The following NCOA2 variants were observed in gnomAD, a reference collection of about 807,000 sequenced individuals.
NCOA2 encodes class E basic helix-loop-helix protein 75.
A neutral mutation model predicts 145.1 loss-of-function variants in NCOA2; 21 were observed. The ratio of observed to expected loss-of-function variants is 0.14; its 90% CI spans 0.10 to 0.21. NCOA2 has a LOEUF of 0.21. Ranked by LOEUF, NCOA2 falls within the 10% of genes least tolerant of loss-of-function variation. The pLI is 1.00. For synonymous variants in NCOA2, 619 were observed against 637.5 expected (o/e 0.97, Z 0.44); for missense variants, 1,472 against 1,837.6 (o/e 0.80, Z 3.64).
intron 2 of NCOA2, among the ~76,000 whole-genome samples, chr8:70,276,435 G>C (rs955964904): frequency 2.0e-5 from 3 of 152,142 alleles, no homozygotes; most frequent in Non-Finnish European, 4.4e-5. Context: ...CACTGATATA[G>C]TTTGGTTGTG....
chr8:70,134,136 C>T (rs934140936), intron 15 of NCOA2, among the ~76,000 whole-genome samples: 15 of 152,210 alleles, frequency 9.9e-5, no homozygotes, highest in Non-Finnish European at 2.1e-4. Flanking sequence ...TTCTTCTCCA[C>T]AGCCCACACT....
the NCOA2 span, among the ~76,000 whole-genome samples, chr8:70,414,788 T>C: frequency 0.027 from 4,044 of 152,296 alleles, 168 homozygotes; most frequent in African/African-American, 0.092. Context: ...GCTTTCCATC[T>C]AAGACTTCAA....
intron 1 of NCOA2, among the ~76,000 whole-genome samples, chr8:70,343,810 C>CAA (rs756730046): frequency 4.5e-4 from 52 of 115,062 alleles, no homozygotes; most frequent in African/African-American, 1.4e-3. Flanking sequence ...GACCCCATCT[C>CAA]AAAAAAAAAA....
Position 70,144,552 on chromosome 8 carries a change from A to G in NCOA2, c.2812+90T>C. ...TGTTATTTTCTAACATAAAAAGTTC[A>G]CTTGAAAAATTCTACTAGTTTGATG... On this transcript the variant is annotated intron_variant, in intron 13 of 22. Coordinates refer to ENST00000452400, the MANE Select transcript of NCOA2 (RefSeq NM_006540.4). 8.6e-6 allele frequency: 9 copies of G among 1,050,732 alleles called. 1 individual carries two copies. The South Asian group carries it at 8.9e-5, about 10-fold the overall frequency. The allele number at this position is 1,050,732 out of a possible 1,614,324, so 65.1% of individuals were successfully genotyped here. A position where few individuals can be genotyped will look rare whatever the true frequency, so the allele number is the denominator to read the frequency against.
At position 70,340,256 on chromosome 8, in the gene NCOA2, C is replaced by G. The variant is rs879227980; in HGVS notation, c.-76-43456G>C. On this transcript the variant is annotated intron_variant, in intron 1 of 22. Transcript: ENST00000452400. ...AACAAATTTATAAGAAAAAACCAAA[C>G]AACTCCACTAAAAAGTGGACAAAGG... 2.6e-5 allele frequency among the ~76,000 whole-genome samples: 4 copies of G among 152,060 alleles called. No individual in the cohort carries two copies. The East Asian group carries it at 7.7e-4, about 29-fold the overall frequency.
At chr8:70,395,409 A>G (rs1813561697) in intron 1 of NCOA2, among the ~76,000 whole-genome samples, 1 of 152,184 alleles carries the variant, frequency 6.6e-6, no homozygotes, top group Admixed American at 6.5e-5. Context: ...CAAGCCCCCA[A>G]TGCCTGTCTC....
chr8:70,188,728 T>C (rs928119748), intron 4 of NCOA2, among the ~76,000 whole-genome samples: 2 of 152,050 alleles, frequency 1.3e-5, no homozygotes, highest in Admixed American at 6.5e-5. Context: ...TGAAAAGAAA[T>C]AGACAAGTTT....
intron 8 of NCOA2, among the ~76,000 whole-genome samples, 155 bp downstream of exon 8, chr8:70,163,310 C>T (rs1813251212): frequency 6.6e-6 from 1 of 152,186 alleles, no homozygotes; most frequent in South Asian, 2.1e-4. Context: ...GAGCCAGTGG[C>T]TCTCTCTCCG....
intron 2 of NCOA2, among the ~76,000 whole-genome samples, chr8:70,236,098 A>C (rs146251325): frequency 6.6e-6 from 1 of 152,266 alleles, no homozygotes; most frequent in Non-Finnish European, 1.5e-5. Context: ...CAATCCACTG[A>C]ACATCCTCCT....
At chr8:70,287,291 A>G (rs1826303582) in intron 2 of NCOA2, among the ~76,000 whole-genome samples, 1 of 152,082 alleles carries the variant, frequency 6.6e-6, no homozygotes, top group South Asian at 2.1e-4. Flanking sequence ...TTTAAAAGTA[A>G]TTGAAAGGAT....
chr8:70,296,063 T>C (rs1827067232), intron 2 of NCOA2, among the ~76,000 whole-genome samples: 1 of 152,198 alleles, frequency 6.6e-6, no homozygotes, highest in Non-Finnish European at 1.5e-5. Context: ...TTAACAAACG[T>C]TTATTTAGTC....
rs1025398268 is a variant in NCOA2 at position 70,332,445 on chromosome 8, C to T, written c.-76-35645G>A. ...ACTCTACGCTGCTCTAAAACATTTT[C>T]CCAACTTCTTCTTCCTAATTCTAAA... is the stretch of plus-strand genomic sequence containing the variant. On this transcript the variant is annotated intron_variant, in intron 1 of 22. Coordinates refer to ENST00000452400, the MANE Select transcript of NCOA2 (RefSeq NM_006540.4). Among the ~76,000 whole-genome samples, 9 of 152,226 alleles carry T rather than the reference C, an allele frequency of 5.9e-5. No individual in the cohort carries two copies. In the East Asian group the frequency reaches 1.7e-3, roughly 29 times the overall value.
chr8:70,167,222 G>A (rs931196902), intron 6 of NCOA2, among the ~76,000 whole-genome samples: 4 of 152,200 alleles, frequency 2.6e-5, no homozygotes, highest in Non-Finnish European at 4.4e-5. Context: ...CAAATGTAGT[G>A]CACGTTAAAT....
At chr8:70,190,912 TC>T (rs1365259818) in intron 4 of NCOA2, among the ~76,000 whole-genome samples, 1 of 151,914 alleles carries the variant, frequency 6.6e-6, no homozygotes, top group African/African-American at 2.4e-5. Context: ...ATGAGAAAAA[TC>T]AGGGGAATGG....
intron 2 of NCOA2, among the ~76,000 whole-genome samples, chr8:70,291,923 C>T (rs1826715884): frequency 6.6e-6 from 1 of 151,722 alleles, no homozygotes; most frequent in South Asian, 2.1e-4. Context: ...CACGGTGAAA[C>T]CCCGTAGCCG....
intron 2 of NCOA2, among the ~76,000 whole-genome samples, chr8:70,295,920 G>A (rs1827053312): frequency 6.6e-6 from 1 of 152,126 alleles, no homozygotes; most frequent in African/African-American, 2.4e-5. Context: ...ACTCCAGACT[G>A]GGTGAAAGAG....
At chr8:70,201,741 C>T (rs1473568605) in intron 4 of NCOA2, among the ~76,000 whole-genome samples, 4 of 152,194 alleles carry the variant, frequency 2.6e-5, no homozygotes, top group South Asian at 2.1e-4. Context: ...TTCTTCTTTC[C>T]CTGTAACCTG....
In NCOA2 at chr8:70,162,607, G is replaced by C; in HGVS notation, c.976+104C>G. ...ACTGGGGCCAGATGAGACAGCTCAC[G>C]AGAACAGTCACCAGCTCTGTTCCCA... On this transcript the variant is annotated intron_variant, in intron 9 of 22. Coordinates refer to ENST00000452400, the MANE Select transcript of NCOA2 (RefSeq NM_006540.4). The C allele has an allele frequency of 2.4e-6, 3 of 1,239,702 alleles. No homozygotes were observed. In the South Asian group the frequency reaches 4.8e-5, roughly 20 times the overall value. 76.8% of individuals were successfully genotyped at this position (1,239,702 alleles called of 1,614,324 possible).
intron 1 of NCOA2, among the ~76,000 whole-genome samples, chr8:70,379,200 T>C (rs1348180221): frequency 5.9e-5 from 9 of 152,222 alleles, no homozygotes; most frequent in Admixed American, 2.0e-4. Flanking sequence ...CAAAAATACT[T>C]ACAATGATTT....
Sources: allele counts gnomAD v4.1 joint callset (sites outside exome capture counted in the v4.1 genomes callset), GRCh38; gene constraint gnomAD v4.1.1; transcripts MANE v1.5; gene names NCBI Gene and HGNC (gene_info 2026-07-23, HGNC 2026-07-21).